FBXL17: variants seen among roughly 807,000 people sequenced by gnomAD.
FBXL17 encodes F-box/LRR-repeat protein 17.
FBXL17 carries 22 observed loss-of-function variants against 66.2 expected under a neutral mutation model. That is an observed-to-expected ratio of 0.33 (90% CI 0.24 to 0.47). FBXL17 has a LOEUF of 0.47. FBXL17 is among the 20% of genes least tolerant of loss of function. FBXL17 has a pLI of 1.00. For missense variants in FBXL17, 878 were observed against 948.2 expected, an observed-to-expected ratio of 0.93 and a Z score of 0.97; for synonymous variants, 474 against 400.5, an observed-to-expected ratio of 1.18 and a Z score of -2.19.
intron 4 of FBXL17, among the ~76,000 whole-genome samples, chr5:108,233,440 T>C (rs1048514238): frequency 6.6e-6 from 1 of 152,046 alleles, no homozygotes; most frequent in Non-Finnish European, 1.5e-5. Context: ...AACCAGGCAA[T>C]AGGTAAGAAT....
At chr5:108,326,436 T>C (rs1006643777) in intron 4 of FBXL17, among the ~76,000 whole-genome samples, 2 of 147,414 alleles carry the variant, frequency 1.4e-5, no homozygotes, top group Non-Finnish European at 3.0e-5. Flanking sequence ...CTACTAAAAA[T>C]AAAAATTAAA....
At chr5:108,007,325 G>T (rs575905735) in intron 7 of FBXL17, among the ~76,000 whole-genome samples, 35 of 152,174 alleles carry the variant, frequency 2.3e-4, no homozygotes, top group African/African-American at 7.9e-4. Context: ...AACCTGCCTG[G>T]CACACAACAG....
intron 6 of FBXL17, among the ~76,000 whole-genome samples, chr5:108,154,360 G>A (rs1210386075): frequency 1.3e-5 from 2 of 149,452 alleles, no homozygotes; most frequent in East Asian, 2.0e-4. Flanking sequence ...TTGAGAGGCC[G>A]AGGCAGGCGG....
intron 6 of FBXL17, among the ~76,000 whole-genome samples, chr5:108,025,680 TAC>T (rs151215184): frequency 8.1e-4 from 105 of 129,602 alleles, no homozygotes; most frequent in Middle Eastern, 4.0e-3. Flanking sequence ...CTACAACACA[TAC>T]ACACACACAC....
In FBXL17 at chr5:107,861,620, C is replaced by G. The variant is rs1251028894; in HGVS notation, c.*100G>C. ...ATACACATACTTGAACACACACAGA[C>G]AGGTGACAGTTAAAACCCTTCCGAG... On this transcript the variant is annotated 3_prime_UTR_variant, in exon 9 of 9. Transcript: ENST00000542267. 1.8e-6 allele frequency: 2 copies of G among 1,124,680 alleles called. No homozygotes were observed. The highest frequency in any genetic ancestry group is 1.2e-6 in the Non-Finnish European group (1 of 847,606). 69.7% of individuals were successfully genotyped at this position (1,124,680 alleles called of 1,614,324 possible).
intron 8 of FBXL17, among the ~76,000 whole-genome samples, chr5:107,865,651 C>T (rs780453587): frequency 1.3e-5 from 2 of 152,102 alleles, no homozygotes; most frequent in Non-Finnish European, 1.5e-5. Flanking sequence ...TCTAAGCAAT[C>T]CTTTTGCTAA....
chr5:108,371,755 T>C (rs1272538966), intron 1 of FBXL17, among the ~76,000 whole-genome samples: 3 of 152,166 alleles, frequency 2.0e-5, no homozygotes, highest in African/African-American at 7.2e-5. Context: ...ATAAGAATTA[T>C]AGAACTAAAT....
chr5:108,380,701 T>G lies in FBXL17; in HGVS notation c.991A>C (p.Lys331Gln). The change falls in exon 1 of 9, where the codon AAG (lysine) becomes CAG (glutamine). Residue 331 changes from lysine (K) to glutamine (Q), a missense_variant and splice_region_variant. By Grantham distance (53) the Lys-to-Gln change is moderately conservative (BLOSUM62 1). This residue lies in a region of FBXL17 where 605 missense variants were observed against 509.5 expected (regional missense o/e 1.19). Coordinates refer to ENST00000542267, the MANE Select transcript of FBXL17 (RefSeq NM_001163315.3). ...CTGCGCCTCTCGCCCAGACCCACCT[T>G]GAGCAGGATGGACGGCGGCAGCTGG... ...INQLPPSILL[K>Q]IFSNLSLDER... 8.0e-7 allele frequency: 1 copy of G among 1,248,614 alleles called. No homozygotes were observed. The highest frequency in any genetic ancestry group is 4.1e-5 in the South Asian group (1 of 24,422). 77.3% of individuals were successfully genotyped at this position (1,248,614 alleles called of 1,614,324 possible). A position where few individuals can be genotyped will look rare whatever the true frequency, so the allele number is the denominator to read the frequency against.
intron 4 of FBXL17, among the ~76,000 whole-genome samples, chr5:108,247,918 T>C (rs1756176951): frequency 6.6e-6 from 1 of 152,182 alleles, no homozygotes; most frequent in Non-Finnish European, 1.5e-5. Context: ...GGACATTATT[T>C]ATAAAACAAA....
intron 6 of FBXL17, among the ~76,000 whole-genome samples, chr5:108,037,853 C>A (rs994381660): frequency 6.6e-6 from 1 of 152,098 alleles, no homozygotes; most frequent in Non-Finnish European, 1.5e-5. Flanking sequence ...ACATTATGTG[C>A]CTCGTGATTT....
chr5:108,224,773 T>TTTG, intron 4 of FBXL17, among the ~76,000 whole-genome samples: 1 of 151,870 alleles, frequency 6.6e-6, no homozygotes, highest in East Asian at 1.9e-4. Flanking sequence ...TTTGGTTTTT[T>TTTG]TTGTTGTTGT....
intron 4 of FBXL17, among the ~76,000 whole-genome samples, chr5:108,253,102 T>C (rs1401531071): frequency 1.3e-5 from 2 of 152,006 alleles, no homozygotes; most frequent in African/African-American, 4.8e-5. Flanking sequence ...AAACAAACAT[T>C]CAAAATTGTA....
Position 108,381,943 on chromosome 5 carries a change from A to G in FBXL17, c.-252T>C. On this transcript the variant is annotated 5_prime_UTR_variant, in exon 1 of 9. Transcript: ENST00000542267. Reference sequence around the variant, plus strand: ...AGAACGATGGGCGCGAGCTTTGGGGACGCGAGGGAGGGAGCGAGCGAGCCT... The same window carrying G: ...AGAACGATGGGCGCGAGCTTTGGGGGCGCGAGGGAGGGAGCGAGCGAGCCT... 1 of 1,244,006 alleles carries G rather than the reference A, an allele frequency of 8.0e-7. No individual in the cohort carries two copies. The highest frequency in any genetic ancestry group is 3.0e-5 in the South Asian group (1 of 32,806). 77.1% of individuals were successfully genotyped at this position (1,244,006 alleles called of 1,614,324 possible).
chr5:107,893,408 T>C (rs1256617333), intron 7 of FBXL17, among the ~76,000 whole-genome samples: 1 of 152,184 alleles, frequency 6.6e-6, no homozygotes, highest in Non-Finnish European at 1.5e-5. Flanking sequence ...CTAATGAAGG[T>C]TGAGCTTCAG....
intron 7 of FBXL17, among the ~76,000 whole-genome samples, chr5:107,898,007 C>T (rs566271734): frequency 6.6e-6 from 1 of 152,208 alleles, no homozygotes; most frequent in South Asian, 2.1e-4. Context: ...AGACACTACA[C>T]CAGAGCAATT....
At chr5:108,005,387 A>G (rs1376696360) in intron 7 of FBXL17, among the ~76,000 whole-genome samples, 1 of 152,200 alleles carries the variant, frequency 6.6e-6, no homozygotes, top group African/African-American at 2.4e-5. Context: ...TTTTAGGAGT[A>G]TAATAAATGT....
chr5:107,898,374 G>A (rs1206202359), intron 7 of FBXL17, among the ~76,000 whole-genome samples: 2 of 152,066 alleles, frequency 1.3e-5, no homozygotes, highest in African/African-American at 4.8e-5. Flanking sequence ...CCCTGAGACA[G>A]AAAGACCAGC....
intron 7 of FBXL17, among the ~76,000 whole-genome samples, chr5:108,018,772 C>T (rs2112758403): frequency 6.6e-6 from 1 of 152,228 alleles, no homozygotes; most frequent in South Asian, 2.1e-4. Flanking sequence ...ATTTTCACTT[C>T]CGATTCCGCT....
chr5:108,324,908 G>A (rs1166503245), intron 4 of FBXL17, among the ~76,000 whole-genome samples: 1 of 152,014 alleles, frequency 6.6e-6, no homozygotes, highest in Non-Finnish European at 1.5e-5. Context: ...TGATTATAAT[G>A]AATAATCTGA....
Sources: allele counts gnomAD v4.1 joint callset (sites outside exome capture counted in the v4.1 genomes callset), GRCh38; gene constraint gnomAD v4.1.1; regional missense constraint gnomAD v4.1.1; transcripts MANE v1.5; gene names NCBI Gene and HGNC (gene_info 2026-07-23, HGNC 2026-07-21).